The following ADCY3 variants were observed in gnomAD, a reference collection of about 807,000 sequenced individuals.
ADCY3 encodes the protein adenylate cyclase type 3.
A neutral mutation model predicts 119.4 loss-of-function variants in ADCY3; 70 were observed. The ratio of observed to expected loss-of-function variants is 0.59; its 90% CI spans 0.48 to 0.72. The LOEUF is 0.72. ADCY3 is among the 30% of genes least tolerant of loss of function. ADCY3 has a pLI of 0.00. For synonymous variants in ADCY3, 672 were observed against 621.4 expected (o/e 1.08, Z -1.21); for missense variants, 1,238 against 1,541.6 (o/e 0.80, Z 3.30).
chr2:24,820,855 T>A lies in ADCY3; in HGVS notation c.3128-7A>T, dbSNP rs781445175. ...ACCCCGCCTTTGTTCATGCCTAGGG[T>A]AGAGGCATAAAGTTCAGCACAGCCA... On this transcript the variant is annotated splice_polypyrimidine_tract_variant and splice_region_variant and intron_variant, in intron 20 of 21. Transcript: ENST00000679454. The A allele has an allele frequency of 6.2e-7, 1 of 1,613,502 alleles. No homozygotes were observed. The highest frequency in any genetic ancestry group is 1.3e-5 in the African/African-American group (1 of 74,880).
At chr2:24,831,553 G>A (rs1669510343) in intron 12 of ADCY3, 109 bp downstream of exon 12, 3 of 865,454 alleles carry the variant, frequency 3.5e-6, no homozygotes, top group East Asian at 2.6e-5. Flanking sequence ...ACAGAGGAGT[G>A]TCTGCCTGTC....
rs748205699 is a variant in ADCY3 at position 24,834,544 on chromosome 2, G to A, written c.1908C>T (p.Phe636=). ...AGAGCAGGACGACGCAGGAGCAGCTGAAGGCAGCCCCACTCTGCTTCTCCT... is the reference window on the plus strand; with the variant it reads ...AGAGCAGGACGACGCAGGAGCAGCTAAAGGCAGCCCCACTCTGCTTCTCCT... ...VEKEKQSGAA[F]SCSCVVLLCT... is the part of the protein sequence containing the mutation. Residue 636 remains phenylalanine (F), a synonymous_variant, in exon 11 of 22, where the codon TTC becomes TTT. Transcript: ENST00000679454. This position sits in a 1 kb window ranked among gnomAD's most constrained non-coding sequence, Gnocchi z 4.2. 2.5e-6 allele frequency: 4 copies of A among 1,614,006 alleles called. No homozygotes were observed. The highest frequency in any genetic ancestry group is 1.7e-6 in the Non-Finnish European group (2 of 1,180,042).
chr2:24,865,766 A>G (rs1200608354), intron 3 of ADCY3, among the ~76,000 whole-genome samples: 1 of 152,182 alleles, frequency 6.6e-6, no homozygotes, highest in East Asian at 1.9e-4. Flanking sequence ...AAATACATAA[A>G]AAGAACCTAG....
At chr2:24,910,592 G>A (rs1202330791) in intron 2 of ADCY3, among the ~76,000 whole-genome samples, 1 of 151,782 alleles carries the variant, frequency 6.6e-6, no homozygotes, top group African/African-American at 2.4e-5. Flanking sequence ...CATTCCCGAG[G>A]AAAATGTTTT....
chr2:24,834,364 C>T lies in ADCY3; in HGVS notation c.1967+121G>A. 8.0e-7 allele frequency: 1 copy of T among 1,250,876 alleles called. No individual in the cohort carries two copies. Among genetic ancestry groups the T allele is most frequent in the Non-Finnish European group, 1.1e-6 (1 of 916,460 alleles). 77.5% of individuals were successfully genotyped at this position (1,250,876 alleles called of 1,614,324 possible). A position where few individuals can be genotyped will look rare whatever the true frequency, so the allele number is the denominator to read the frequency against. On this transcript the variant is annotated intron_variant, in intron 11 of 21. Transcript: ENST00000679454. This position sits in a 1 kb window ranked among gnomAD's most constrained non-coding sequence, Gnocchi z 4.2. Reference sequence around the variant, plus strand: ...CTGTGGGGGCCGTCCCAGTGGGGGTCAGGGAGCAGAGACTGGCTTGCTCCC... The same window carrying T: ...CTGTGGGGGCCGTCCCAGTGGGGGTTAGGGAGCAGAGACTGGCTTGCTCCC...
rs1671059329 is a variant in ADCY3 at position 24,841,895 on chromosome 2, T to C, written c.957-228A>G. Among the ~76,000 whole-genome samples, 1 of 152,152 alleles carries C rather than the reference T, an allele frequency of 6.6e-6. No homozygotes were observed. The highest frequency in any genetic ancestry group is 1.5e-5 in the Non-Finnish European group (1 of 68,018). On this transcript the variant is annotated intron_variant, in intron 4 of 21. Coordinates refer to ENST00000679454, the MANE Select transcript of ADCY3 (RefSeq NM_004036.5). This position sits in a 1 kb window ranked among gnomAD's most constrained non-coding sequence, Gnocchi z 5.8. Reference sequence around the variant, plus strand: ...TGCAGGCCTCCCTCCCTGTGGTGCCTGGGGACCACCCCACACTGCCCACTC... The same window carrying C: ...TGCAGGCCTCCCTCCCTGTGGTGCCCGGGGACCACCCCACACTGCCCACTC...
intron 13 of ADCY3, 46 bp downstream of exon 13, chr2:24,830,663 C>T (rs1344901963): frequency 6.8e-7 from 1 of 1,481,448 alleles, no homozygotes; most frequent in East Asian, 2.3e-5. Flanking sequence ...AGCCCTTCTC[C>T]ACTGAGAACA....
Position 24,919,592 on chromosome 2 carries a change from C to T in ADCY3, c.-198+91G>A, listed in dbSNP as rs1664869687. 6.6e-6 allele frequency: 1 copy of T among 152,546 alleles called. No individual in the cohort carries two copies. Among genetic ancestry groups the T allele is most frequent in the South Asian group, 2.1e-4 (1 of 4,836 alleles). The allele number at this position is 152,546 out of a possible 1,614,324, so 9.4% of individuals were successfully genotyped here. A position where few individuals can be genotyped will look rare whatever the true frequency, so the allele number is the denominator to read the frequency against. Reference sequence around the variant, plus strand: ...CTGTTTACTTCCTTTTTCCACCAAACCCTTGGAGGCTCGGGCTCCGATCCG... The same window carrying T: ...CTGTTTACTTCCTTTTTCCACCAAATCCTTGGAGGCTCGGGCTCCGATCCG... On this transcript the variant is annotated intron_variant, in intron 1 of 21. Coordinates refer to ENST00000679454, the MANE Select transcript of ADCY3 (RefSeq NM_004036.5). The surrounding 1 kb of genome is among the most constrained non-coding windows in gnomAD (Gnocchi z 5.5).
At position 24,872,636 on chromosome 2, in the gene ADCY3, C is replaced by T; in HGVS notation, c.759G>A (p.Lys253=). ...SYYMADRKHR[K]AFLEARQSLE... ...GCGACTGGCGGGCCTCCAGGAAGGC[C>T]TTGCGGTGCTTGCGGTCAGCCATGT... is the stretch of plus-strand genomic sequence containing the variant. The change falls in exon 3 of 22, where the codon AAG becomes AAA. Residue 253 remains lysine, a synonymous_variant. Transcript: ENST00000679454. The surrounding 1 kb of genome is among the most constrained non-coding windows in gnomAD (Gnocchi z 4.4). 6.2e-7 allele frequency: 1 copy of T among 1,614,230 alleles called. No homozygotes were observed. The highest frequency in any genetic ancestry group is 8.5e-7 in the Non-Finnish European group (1 of 1,180,046).
rs1380516619 is a variant in ADCY3 at position 24,878,434 on chromosome 2, A to G, written c.676-5715T>C. Among the ~76,000 whole-genome samples, 1 of 152,046 alleles carries G rather than the reference A, an allele frequency of 6.6e-6. No homozygotes were observed. Among genetic ancestry groups the G allele is most frequent in the Non-Finnish European group, 1.5e-5 (1 of 68,006 alleles). ...CTCTTGCCCAAACCAATCTCTTCCT[A>G]TAAGCTCATTCCAGCCTGAAGGTTC... On this transcript the variant is annotated intron_variant, in intron 2 of 21. Coordinates refer to ENST00000679454, the MANE Select transcript of ADCY3 (RefSeq NM_004036.5). The surrounding 1 kb of genome is among the most constrained non-coding windows in gnomAD (Gnocchi z 4.0).
intron 3 of ADCY3, among the ~76,000 whole-genome samples, chr2:24,844,687 C>G (rs188003650): frequency 2.6e-5 from 4 of 152,314 alleles, no homozygotes; most frequent in Admixed American, 2.6e-4. Context: ...CTACAGGTCC[C>G]CATCTTCTGC....
intron 3 of ADCY3, among the ~76,000 whole-genome samples, chr2:24,861,432 CATGT>C (rs1483028503): frequency 6.6e-6 from 1 of 152,100 alleles, no homozygotes; most frequent in Non-Finnish European, 1.5e-5. Context: ...ATTAAGCACA[CATGT>C]AAGTAAGGGA....
chr2:24,826,079 A>T lies in ADCY3; in HGVS notation c.2543T>A (p.Leu848His). ...GAAGTAGTAGAAGCTGAGCATCATG[A>T]GGAACACCATCACCGTCATAGAGTA... ...SKYSMTVMVF[L>H]MMLSFYYFSR... Residue 848 changes from leucine (L) to histidine (H), a missense_variant, in exon 16 of 22, where the codon CTC becomes CAC. Around this residue, in one of 7 missense-constraint regions of ADCY3, gnomAD observed 499 missense variants for 571.0 expected, o/e 0.87. Coordinates refer to ENST00000679454, the MANE Select transcript of ADCY3 (RefSeq NM_004036.5). 1 of 1,614,134 alleles carries T rather than the reference A, an allele frequency of 6.2e-7. No homozygotes were observed. The highest frequency in any genetic ancestry group is 1.3e-5 in the African/African-American group (1 of 75,030).
At chr2:24,900,111 C>CA (rs1558514613) in intron 2 of ADCY3, among the ~76,000 whole-genome samples, 1 of 143,064 alleles carries the variant, frequency 7.0e-6, no homozygotes, top group Non-Finnish European at 1.5e-5. Context: ...ATGAAGTTGC[C>CA]TTTTTTTTTT....
chr2:24,843,334 G>C (rs1306909315), intron 3 of ADCY3, among the ~76,000 whole-genome samples: 1 of 152,156 alleles, frequency 6.6e-6, no homozygotes, highest in African/African-American at 2.4e-5. Context: ...CTGGACTCAA[G>C]TGATCCTCCC....
chr2:24,843,283 AGTGCAGTG>A lies in ADCY3; in HGVS notation c.826-907_826-900del, dbSNP rs1432969109. Among the ~76,000 whole-genome samples the A allele has an allele frequency of 6.6e-5, 10 of 152,228 alleles. No homozygotes were observed. The East Asian group carries it at 7.7e-4, about 12-fold the overall frequency. On this transcript the variant is annotated intron_variant, in intron 3 of 21. Coordinates refer to ENST00000679454, the MANE Select transcript of ADCY3 (RefSeq NM_004036.5). ...GGTCTTGCTCTGTTGCCCAGGCTGGAGTGCAGTGGTGCAAACATGGCTCACAGTAGCCT... is the reference window on the plus strand; with the variant it reads ...GGTCTTGCTCTGTTGCCCAGGCTGGAGTGCAAACATGGCTCACAGTAGCCT...
At chr2:24,912,212 C>T (rs1573064457) in intron 2 of ADCY3, among the ~76,000 whole-genome samples, 1 of 151,210 alleles carries the variant, frequency 6.6e-6, no homozygotes, top group East Asian at 1.9e-4. Flanking sequence ...ACCTGTAATC[C>T]AGCACTTTAG....
chr2:24,854,215 C>T (rs1314236851), intron 3 of ADCY3, among the ~76,000 whole-genome samples: 1 of 152,172 alleles, frequency 6.6e-6, no homozygotes, highest in Non-Finnish European at 1.5e-5. Flanking sequence ...TATCTGATGG[C>T]CTGGACTAAA....
At chr2:24,875,577 G>A (rs888630733) in intron 2 of ADCY3, among the ~76,000 whole-genome samples, 16 of 152,246 alleles carry the variant, frequency 1.1e-4, no homozygotes, top group African/African-American at 3.9e-4. Context: ...ACCTGGGAAG[G>A]TGGCAGCACC....
Sources: gnomAD v4.1 joint callset for allele counts (sites outside exome capture counted in the v4.1 genomes callset) on GRCh38, gnomAD v4.1.1 for gene constraint, gnomAD v4.1.1 regional missense constraint, Gnocchi (gnomAD v3.1) non-coding constraint, MANE v1.5 for transcripts, NCBI Gene and HGNC (gene_info 2026-07-23, HGNC 2026-07-21) for gene names.